PNP: variants seen among roughly 807,000 people sequenced by gnomAD.
PNP encodes HEL-S-156an.
In PNP, 18 loss-of-function variants were observed where a neutral mutation model predicts 26.8. That is an observed-to-expected ratio of 0.67 (90% CI 0.46 to 1.00). The LOEUF (loss-of-function observed/expected upper bound fraction) is 1.00, where lower values mean the gene tolerates loss of function less well. PNP is among the 50% of genes least tolerant of loss of function. The pLI is 0.00. For missense variants in PNP, 320 were observed against 362.9 expected, an observed-to-expected ratio of 0.88 and a Z score of 0.96; for synonymous variants, 116 against 124.8, an observed-to-expected ratio of 0.93 and a Z score of 0.47.
chr14:20,469,427 C>G lies in PNP; in HGVS notation c.-98C>G. 6.7e-7 allele frequency: 1 copy of G among 1,488,264 alleles called. No homozygotes were observed. The highest frequency in any genetic ancestry group is 1.2e-5 in the South Asian group (1 of 82,766). 92.2% of individuals were successfully genotyped at this position (1,488,264 alleles called of 1,614,324 possible). Reference sequence around the variant, plus strand: ...AGCCAACTGTGCGAACCAGACCCGGCAGCCTTGCTCAGTTCAGCATAGCGG... The same window carrying G: ...AGCCAACTGTGCGAACCAGACCCGGGAGCCTTGCTCAGTTCAGCATAGCGG... On this transcript the variant is annotated 5_prime_UTR_variant, in exon 1 of 6. Transcript: ENST00000361505.
At chr14:20,474,396 T>C (rs1016210296) in intron 2 of PNP, 76 bp from the exon 3 acceptor site, 4 of 1,201,730 alleles carry the variant, frequency 3.3e-6, no homozygotes, top group Non-Finnish European at 4.9e-6. Flanking sequence ...AGCGAGTAAC[T>C]CACAGTAGGT....
At chr14:20,475,348 G>A (rs1566525947) in intron 5 of PNP, 96 bp downstream of exon 5, 2 of 1,027,242 alleles carry the variant, frequency 1.9e-6, no homozygotes, top group South Asian at 1.5e-5. Context: ...ATTGGACTGA[G>A]AGGATCTGAT....
At chr14:20,472,893 A>AT (rs946676123) in intron 2 of PNP, 2 of 235,326 alleles carry the variant, frequency 8.5e-6, no homozygotes, top group East Asian at 1.1e-4. Flanking sequence ...TTTAATAGCT[A>AT]TTTTTTTAAA....
In PNP at chr14:20,475,236, G is replaced by T. The variant is rs751236364; in HGVS notation, c.636G>T (p.Leu212=). 2 of 1,612,500 alleles carry T rather than the reference G, an allele frequency of 1.2e-6. No homozygotes were observed. Among genetic ancestry groups the T allele is most frequent in the Admixed American group, 1.7e-5 (1 of 59,984 alleles). Residue 212 remains leucine, a synonymous_variant, in exon 5 of 6, where the codon CTG becomes CTT. Coordinates refer to ENST00000361505, the MANE Select transcript of PNP (RefSeq NM_000270.4). The stretch of plus-strand genomic sequence containing the variant: ...CAGAATGTCGTGTGCTGCAGAAGCT[G>T]GGAGCAGACGCTGTTGGTGAGAAGG... The part of the protein sequence containing the change: ...TVAECRVLQK[L]GADAVGMSTV...
chr14:20,472,193 C>T, intron 1 of PNP, 115 bp from the exon 2 acceptor site: 1 of 859,650 alleles, frequency 1.2e-6, no homozygotes, highest in Non-Finnish European at 2.0e-6. Context: ...TCTGTGCCAG[C>T]TTCTCCGTCC....
chr14:20,474,866 G>A lies in PNP; in HGVS notation c.379G>A (p.Gly127Arg). ...AGGLNPKFEV[G>R]DIMLIRDHIN... is the part of the protein sequence containing the mutation. ...AGGGCTGAACCCCAAGTTTGAGGTT[G>A]GAGATATCATGCTGATCCGTGACCA... The change falls in exon 4 of 6, where the codon GGA becomes AGA. Residue 127 changes from glycine to arginine, a missense_variant. Physicochemically the swap from Gly to Arg is moderately radical, Grantham distance 125 (BLOSUM62 -2). Coordinates refer to ENST00000361505, the MANE Select transcript of PNP (RefSeq NM_000270.4). The A allele has an allele frequency of 6.2e-7, 1 of 1,614,182 alleles. No homozygotes were observed.
chr14:20,472,660 C>T, intron 2 of PNP, 183 bp downstream of exon 2: 2 of 692,226 alleles, frequency 2.9e-6, no homozygotes, highest in East Asian at 2.7e-5. Context: ...TAGCAGACAT[C>T]CCATAAGAGA....
In PNP at chr14:20,472,365, C is replaced by T; in HGVS notation, c.69C>T (p.His23=). ...TAEWLLSHTK[H]RPQVAIICGS... ...AATGGCTTCTGTCTCACACTAAGCA[C>T]CGACCTCAAGTTGCAATAATCTGTG... The change falls in exon 2 of 6, where the codon CAC becomes CAT. Residue 23 remains histidine, a synonymous_variant. Coordinates refer to ENST00000361505, the MANE Select transcript of PNP (RefSeq NM_000270.4). 1 of 1,613,820 alleles carries T rather than the reference C, an allele frequency of 6.2e-7. No individual in the cohort carries two copies. Among genetic ancestry groups the T allele is most frequent in the Non-Finnish European group, 8.5e-7 (1 of 1,179,672 alleles).
chr14:20,474,486 G>T lies in PNP; in HGVS notation c.196G>T (p.Gly66Cys). 1 of 1,614,078 alleles carries T rather than the reference G, an allele frequency of 6.2e-7. No homozygotes were observed. Among genetic ancestry groups the T allele is most frequent in the Non-Finnish European group, 8.5e-7 (1 of 1,179,942 alleles). ...TTTGTATACAGTGCCAGGTCATGCT[G>T]GCCGACTGGTGTTTGGGTTCCTGAA... ...FPRSTVPGHA[G>C]RLVFGFLNGR... The change falls in exon 3 of 6, where the codon GGC becomes TGC. Residue 66 changes from glycine to cysteine, a missense_variant. Coordinates refer to ENST00000361505, the MANE Select transcript of PNP (RefSeq NM_000270.4).
At chr14:20,472,673 G>A (rs1594426306) in intron 2 of PNP, 196 bp downstream of exon 2, 2 of 671,950 alleles carry the variant, frequency 3.0e-6, no homozygotes, top group Non-Finnish European at 5.4e-6. Context: ...ATAAGAGACA[G>A]GACATGTGTG....
At chr14:20,472,984 T>C (rs564391258) in intron 2 of PNP, 72 of 181,112 alleles carry the variant, frequency 4.0e-4, no homozygotes, top group Admixed American at 1.9e-3. Context: ...CATACTTCTC[T>C]AAGGGAGATA....
chr14:20,474,605 C>T, intron 3 of PNP, 30 bp downstream of exon 3: 2 of 1,593,342 alleles, frequency 1.3e-6, no homozygotes, highest in Admixed American at 3.3e-5. Context: ...CCGGTTGGAT[C>T]TGGAAGAGGC....
intron 1 of PNP, 151 bp downstream of exon 1, chr14:20,469,686 A>C (rs960757933): frequency 2.9e-5 from 32 of 1,088,016 alleles, no homozygotes; most frequent in Non-Finnish European, 4.1e-5. Context: ...TGTCGGGAGC[A>C]AGGCGGCAGA....
chr14:20,476,629 C>T lies in PNP; in HGVS notation c.*28C>T, dbSNP rs2139340009. On this transcript the variant is annotated 3_prime_UTR_variant, in exon 6 of 6. Transcript: ENST00000361505. ...TGCCTTGGAGTCGTCTGGCATCTCC[C>T]ACACAAGACCCAAGTAGCTGCTACC... The T allele has an allele frequency of 1.3e-6, 2 of 1,577,834 alleles. No homozygotes were observed. The highest frequency in any genetic ancestry group is 1.7e-5 in the Admixed American group (1 of 59,942).
chr14:20,469,445 C>T lies in PNP; in HGVS notation c.-80C>T, dbSNP rs551443910. 1.3e-6 allele frequency: 2 copies of T among 1,533,616 alleles called. No individual in the cohort carries two copies. The highest frequency in any genetic ancestry group is 1.8e-6 in the Non-Finnish European group (2 of 1,132,138). On this transcript the variant is annotated 5_prime_UTR_variant, in exon 1 of 6. Coordinates refer to ENST00000361505, the MANE Select transcript of PNP (RefSeq NM_000270.4). ...GACCCGGCAGCCTTGCTCAGTTCAG[C>T]ATAGCGGAGCGGATCCGATCGGATC... is the stretch of plus-strand genomic sequence containing the variant.
intron 1 of PNP, among the ~76,000 whole-genome samples, chr14:20,470,974 C>T (rs867381322): frequency 6.6e-6 from 1 of 152,032 alleles, no homozygotes; most frequent in Non-Finnish European, 1.5e-5. Flanking sequence ...GAATCTAGGT[C>T]GAATTCTGCT....
rs1272214998 is a variant in PNP at position 20,469,449 on chromosome 14, G to GCGGAGCGGATCCGATCGGAT, written c.-64_-45dup. 2.5e-5 allele frequency: 38 copies of GCGGAGCGGATCCGATCGGAT among 1,539,304 alleles called. No homozygotes were observed. Among genetic ancestry groups the GCGGAGCGGATCCGATCGGAT allele is most frequent in the Non-Finnish European group, 3.3e-5 (38 of 1,137,502 alleles). Reference sequence around the variant, plus strand: ...CGGCAGCCTTGCTCAGTTCAGCATAGCGGAGCGGATCCGATCGGATCGGAG... The same window carrying GCGGAGCGGATCCGATCGGAT: ...CGGCAGCCTTGCTCAGTTCAGCATAGCGGAGCGGATCCGATCGGATCGGAGCGGATCCGATCGGATCGGAG... On this transcript the variant is annotated 5_prime_UTR_variant, in exon 1 of 6. Coordinates refer to ENST00000361505, the MANE Select transcript of PNP (RefSeq NM_000270.4).
Position 20,476,677 on chromosome 14 carries a change from C to A in PNP, c.*76C>A. Reference sequence around the variant, plus strand: ...ACCTTCTTTGGCCCCTTGCTGGAGTCATGTGCCTCTGTCCTTAGGTTGTAG... The same window carrying A: ...ACCTTCTTTGGCCCCTTGCTGGAGTAATGTGCCTCTGTCCTTAGGTTGTAG... On this transcript the variant is annotated 3_prime_UTR_variant, in exon 6 of 6. Coordinates refer to ENST00000361505, the MANE Select transcript of PNP (RefSeq NM_000270.4). 3 of 1,129,730 alleles carry A rather than the reference C, an allele frequency of 2.7e-6. No individual in the cohort carries two copies. Among genetic ancestry groups the A allele is most frequent in the East Asian group, 4.7e-5 (2 of 42,354 alleles). The allele number at this position is 1,129,730 out of a possible 1,614,324, so 70.0% of individuals were successfully genotyped here.
intron 1 of PNP, chr14:20,469,872 C>T: frequency 1.9e-6 from 1 of 529,888 alleles, no homozygotes; most frequent in Non-Finnish European, 3.4e-6. Flanking sequence ...GTATATATCC[C>T]TCACTCCATA....
Sources: allele counts gnomAD v4.1 joint callset (sites outside exome capture counted in the v4.1 genomes callset), GRCh38; gene constraint gnomAD v4.1.1; transcripts MANE v1.5; gene names NCBI Gene and HGNC (gene_info 2026-07-23, HGNC 2026-07-21).